DSCAM: variants seen among roughly 807,000 people sequenced by gnomAD.
DSCAM encodes cell adhesion molecule DSCAM.
Under a neutral mutation model 217.7 loss-of-function variants are expected in DSCAM, and 47 were observed. That is an observed-to-expected ratio of 0.22 (90% CI 0.17 to 0.28). The LOEUF (loss-of-function observed/expected upper bound fraction) is 0.28, where lower values mean the gene tolerates loss of function less well. Among genes scored for constraint, DSCAM ranks in the 10% least tolerant of loss-of-function variants. The pLI, the probability that DSCAM is intolerant of heterozygous loss-of-function variation, is 1.00. For synonymous variants in DSCAM, 1,056 were observed against 1,015.3 expected (o/e 1.04, Z -0.76); for missense variants, 2,080 against 2,618.3 (o/e 0.79, Z 4.49).
intron 3 of DSCAM, among the ~76,000 whole-genome samples, chr21:40,377,383 C>T (rs933202772): frequency 6.6e-6 from 1 of 151,852 alleles, no homozygotes; most frequent in East Asian, 2.0e-4. Flanking sequence ...CATGGGCAAG[C>T]GGAGGTACAA....
At chr21:40,772,293 T>C (rs555867294) in intron 1 of DSCAM, among the ~76,000 whole-genome samples, 33 of 152,256 alleles carry the variant, frequency 2.2e-4, no homozygotes, top group Middle Eastern at 3.4e-3. Flanking sequence ...CTCAGCTTCC[T>C]GAGTAGCTGG....
chr21:40,200,335 C>T (rs1291020635), intron 11 of DSCAM, among the ~76,000 whole-genome samples: 3 of 152,202 alleles, frequency 2.0e-5, no homozygotes, highest in Non-Finnish European at 4.4e-5. Flanking sequence ...CTGGCAGTCA[C>T]CATTCTACTT....
intron 10 of DSCAM, among the ~76,000 whole-genome samples, chr21:40,289,325 G>A (rs2073863870): frequency 6.6e-6 from 1 of 152,190 alleles, no homozygotes; most frequent in Admixed American, 6.5e-5. Context: ...CTCCATCAGT[G>A]AAAACAGTGT....
At chr21:40,585,441 A>AGG in intron 3 of DSCAM, among the ~76,000 whole-genome samples, 1 of 135,838 alleles carries the variant, frequency 7.4e-6, no homozygotes, top group Non-Finnish European at 1.6e-5. Context: ...AAAAAAAAAA[A>AGG]AAGAAAAATG....
chr21:40,680,831 A>G (rs1188233937), intron 3 of DSCAM, among the ~76,000 whole-genome samples: 1 of 150,626 alleles, frequency 6.6e-6, no homozygotes, highest in Non-Finnish European at 1.5e-5. Flanking sequence ...ACAGGTGACG[A>G]TTTAGCCAAT....
chr21:40,090,175 C>T (rs2089588635), intron 21 of DSCAM, among the ~76,000 whole-genome samples: 1 of 152,154 alleles, frequency 6.6e-6, no homozygotes. Flanking sequence ...GTCGTGGGCT[C>T]TTTCTTATGT....
chr21:40,141,300 C>A (rs942148987), intron 18 of DSCAM, among the ~76,000 whole-genome samples: 2 of 152,284 alleles, frequency 1.3e-5, no homozygotes, highest in African/African-American at 4.8e-5. Context: ...CATCAGGGAT[C>A]ACACCCAGTC....
At chr21:40,554,531 A>C (rs2076656096) in intron 3 of DSCAM, among the ~76,000 whole-genome samples, 1 of 152,178 alleles carries the variant, frequency 6.6e-6, no homozygotes, top group Admixed American at 6.5e-5. Context: ...CAACAGTAAC[A>C]GGAATTCCAT....
In DSCAM at chr21:40,183,070, AGGGGGCTACCAGAGAAACCGTGGACGGG is replaced by A. The variant is rs1568987109; in HGVS notation, c.2780-4004_2780-3977del. Among the ~76,000 whole-genome samples, 20 of 9,324 alleles carry A rather than the reference AGGGGGCTACCAGAGAAACCGTGGACGGG, an allele frequency of 2.1e-3. 5 individuals carry two copies. Among genetic ancestry groups the A allele is most frequent in the African/African-American group, 7.4e-3 (15 of 2,034 alleles). The allele number at this position is 9,324 out of a possible 152,430, so 6.1% of individuals were successfully genotyped here. A position where few individuals can be genotyped will look rare whatever the true frequency, so the allele number is the denominator to read the frequency against. ...GGCTACCAGAGAAACCGTGGACAGG[AGGGGGCTACCAGAGAAACCGTGGACGGG>A]GGGGGTTACCAGAGAAACCGTGGAC... On this transcript the variant is annotated intron_variant, in intron 14 of 32. Transcript: ENST00000400454.
At position 40,144,749 on chromosome 21, in the gene DSCAM, G is replaced by A. The variant is rs1191522567; in HGVS notation, c.3019-18C>T. ...TTGGGAGCCTAAACAGGAGAGAAAAGAACACACTAAAGAAGTCTTGAGGTA... is the reference window on the plus strand; with the variant it reads ...TTGGGAGCCTAAACAGGAGAGAAAAAAACACACTAAAGAAGTCTTGAGGTA... On this transcript the variant is annotated intron_variant, in intron 16 of 32. Transcript: ENST00000400454. The surrounding 1 kb of genome is among the most constrained non-coding windows in gnomAD (Gnocchi z 4.8). The A allele has an allele frequency of 6.2e-7, 1 of 1,613,932 alleles. No homozygotes were observed. The highest frequency in any genetic ancestry group is 8.5e-7 in the Non-Finnish European group (1 of 1,179,984).
chr21:40,495,183 A>C (rs1346436791), intron 3 of DSCAM, among the ~76,000 whole-genome samples: 2 of 152,166 alleles, frequency 1.3e-5, no homozygotes, highest in Non-Finnish European at 2.9e-5. Flanking sequence ...AATCTTCCCC[A>C]AATTATTTTA....
Position 40,353,684 on chromosome 21 carries a change from C to G in DSCAM, c.715G>C (p.Gly239Arg), listed in dbSNP as rs1440642030. 22 of 1,607,034 alleles carry G rather than the reference C, an allele frequency of 1.4e-5. No individual in the cohort carries two copies. Among genetic ancestry groups the G allele is most frequent in the African/African-American group, 2.7e-5 (2 of 74,462 alleles). ...TTGCAAGGCAGCTCCACACGCTGCC[C>G]AGCCATGGCTTTGCGATGGTCAAAC... ...DGFDHRKAMAGQRVELPCKAL... is the reference protein window; with the variant it reads ...DGFDHRKAMARQRVELPCKAL... Residue 239 changes from glycine to arginine, a missense_variant, in exon 5 of 33, where the codon GGG becomes CGG. Physicochemically the swap from Gly to Arg is moderately radical, Grantham distance 125. Around this residue, in one of 5 missense-constraint regions of DSCAM, gnomAD observed 568 missense variants for 678.1 expected, o/e 0.84. Transcript: ENST00000400454.
intron 32 of DSCAM, among the ~76,000 whole-genome samples, chr21:40,040,969 A>C (rs2088737279): frequency 1.3e-5 from 2 of 152,188 alleles, no homozygotes; most frequent in Admixed American, 1.3e-4. Context: ...CACAAATAAC[A>C]GCTTGTCTTT....
rs74364588 is a variant in DSCAM, at chr21:40,177,745, T to C, written c.2947+1182A>G. Among the ~76,000 whole-genome samples, 25 of 152,338 alleles carry C rather than the reference T, an allele frequency of 1.6e-4. No homozygotes were observed. In the East Asian group the frequency reaches 4.2e-3, roughly 26 times the overall value. ...TTTGTTAAACACATAGTGAGAGATA[T>C]CATTACAAATTGTAGAAAAGTACTT... is the stretch of plus-strand genomic sequence containing the variant. On this transcript the variant is annotated intron_variant, in intron 15 of 32. Coordinates refer to ENST00000400454, the MANE Select transcript of DSCAM (RefSeq NM_001389.5).
chr21:40,717,108 A>G (rs1568999827), intron 1 of DSCAM, among the ~76,000 whole-genome samples: 1 of 152,262 alleles, frequency 6.6e-6, no homozygotes, highest in Non-Finnish European at 1.5e-5. Flanking sequence ...ATGCACAGCT[A>G]AAAGTGTTGC....
chr21:40,042,274 G>A (rs1368331818), intron 32 of DSCAM, 97 bp downstream of exon 32: 3 of 1,324,930 alleles, frequency 2.3e-6, no homozygotes, highest in East Asian at 2.3e-5. Context: ...GCACCCATTT[G>A]GTCTGAACAC....
chr21:40,224,092 C>T (rs415565), intron 11 of DSCAM, among the ~76,000 whole-genome samples: 80,443 of 152,118 alleles, frequency 0.53, 22,466 homozygotes, highest in African/African-American at 0.71. Flanking sequence ...AGAAAACCTT[C>T]GGCTAGGTAT....
intron 11 of DSCAM, among the ~76,000 whole-genome samples, chr21:40,250,171 C>A (rs4818122): frequency 0.56 from 85,127 of 151,994 alleles, 25,328 homozygotes; most frequent in African/African-American, 0.77. Context: ...TGACCTATGA[C>A]GGTTTGGGGA....
chr21:40,837,631 A>G (rs1205401465), intron 1 of DSCAM, among the ~76,000 whole-genome samples: 2 of 152,188 alleles, frequency 1.3e-5, no homozygotes, highest in Non-Finnish European at 2.9e-5. Context: ...AACTTAAACA[A>G]CTTGTGAAAG....
Sources: gnomAD v4.1 joint callset for allele counts (sites outside exome capture counted in the v4.1 genomes callset) on GRCh38, gnomAD v4.1.1 for gene constraint, gnomAD v4.1.1 regional missense constraint, Gnocchi (gnomAD v3.1) non-coding constraint, MANE v1.5 for transcripts, NCBI Gene and HGNC (gene_info 2026-07-23, HGNC 2026-07-21) for gene names.